KCNQ3: variants seen among roughly 807,000 people sequenced by gnomAD.
KCNQ3 encodes the protein potassium voltage-gated channel subfamily Q member 3.
A neutral mutation model predicts 92.5 loss-of-function variants in KCNQ3; 30 were observed. The observed-to-expected ratio is 0.32, with a 90% CI of 0.24 to 0.44. The LOEUF (loss-of-function observed/expected upper bound fraction) is 0.44, where lower values mean the gene tolerates loss of function less well. Ranked by LOEUF, KCNQ3 falls within the 20% of genes least tolerant of loss-of-function variation. The probability of loss-of-function intolerance (pLI) is 1.00; values close to 1 mark genes in which losing one functional copy is unlikely to be tolerated. For missense variants in KCNQ3, 913 were observed against 1,140.3 expected (o/e 0.80, Z 2.87); for synonymous variants, 450 against 468.8 (o/e 0.96, Z 0.52).
intron 1 of KCNQ3, among the ~76,000 whole-genome samples, chr8:132,276,007 C>T (rs982071542): frequency 6.6e-6 from 1 of 152,162 alleles, no homozygotes; most frequent in Non-Finnish European, 1.5e-5. Flanking sequence ...TACTAGGGGT[C>T]GCTACACATC....
chr8:132,450,120 G>T (rs1317659920), intron 1 of KCNQ3, among the ~76,000 whole-genome samples: 1 of 152,188 alleles, frequency 6.6e-6, no homozygotes, highest in African/African-American at 2.4e-5. Flanking sequence ...TCCACAGCAT[G>T]GAAGGGGACC....
At position 132,134,397 on chromosome 8, in the gene KCNQ3, A is replaced by T; in HGVS notation, c.1701-9T>A. 6.4e-7 allele frequency: 1 copy of T among 1,570,444 alleles called. No individual in the cohort carries two copies. Among genetic ancestry groups the T allele is most frequent in the Non-Finnish European group, 8.8e-7 (1 of 1,140,248 alleles). On this transcript the variant is annotated splice_polypyrimidine_tract_variant and intron_variant, in intron 12 of 14. Transcript: ENST00000388996. ...TGAAAATCATATCTATTCTGAAAGA[A>T]ACAAACAGAGCAGGGATTAAATTAC...
chr8:132,213,821 G>A (rs1263193603), intron 1 of KCNQ3, among the ~76,000 whole-genome samples: 1 of 152,216 alleles, frequency 6.6e-6, no homozygotes, highest in African/African-American at 2.4e-5. Flanking sequence ...AATGGGAACT[G>A]AGCAAATCAA....
chr8:132,141,254 G>A lies in KCNQ3; in HGVS notation c.1340C>T (p.Pro447Leu). The A allele has an allele frequency of 6.2e-7, 1 of 1,614,164 alleles. No homozygotes were observed. The highest frequency in any genetic ancestry group is 1.1e-5 in the South Asian group (1 of 91,086). Residue 447 changes from proline (P) to leucine (L), a missense_variant, in exon 10 of 15, where the codon CCT (proline) becomes CTT (leucine). This residue lies in a region of KCNQ3 where 182 missense variants were observed against 234.5 expected (regional missense o/e 0.78). Transcript: ENST00000388996. ...GSNTKGKLFTPLNVDAIEESP... is the reference protein window; with the variant it reads ...GSNTKGKLFTLLNVDAIEESP... ...TTCTTCTATGGCATCTACATTCAGA[G>A]GGGTAAATAGCTTTCCTTTAGTATT...
rs186310292 is a variant in KCNQ3 at position 132,140,081 on chromosome 8, G to A, written c.1563C>T (p.Ala521=). ...MIPTLKAAIR[A]VRILQFRLYK... ...TGGGACCGTGGGGGCATTACCTGAC[G>A]GCTCGGATGGCGGCCTTCAGGGTGG... Residue 521 remains alanine (A), a synonymous_variant, in exon 11 of 15, where the codon GCC becomes GCT. Coordinates refer to ENST00000388996, the MANE Select transcript of KCNQ3 (RefSeq NM_004519.4). 38 of 1,593,356 alleles carry A rather than the reference G, an allele frequency of 2.4e-5. No individual in the cohort carries two copies. Among genetic ancestry groups the A allele is most frequent in the Non-Finnish European group, 3.0e-5 (35 of 1,169,972 alleles).
At chr8:132,410,418 T>C (rs979143379) in intron 1 of KCNQ3, among the ~76,000 whole-genome samples, 17 of 152,188 alleles carry the variant, frequency 1.1e-4, no homozygotes, top group Non-Finnish European at 2.4e-4. Context: ...GGGAAAGATG[T>C]TGGACTTTTT....
chr8:132,326,800 A>T (rs2130650278), intron 1 of KCNQ3, among the ~76,000 whole-genome samples: 1 of 152,336 alleles, frequency 6.6e-6, no homozygotes, highest in South Asian at 2.1e-4. Context: ...TGTTCTTTAT[A>T]AACAACCCAG....
chr8:132,405,940 T>C (rs1407653898), intron 1 of KCNQ3, among the ~76,000 whole-genome samples: 1 of 152,128 alleles, frequency 6.6e-6, no homozygotes, highest in Admixed American at 6.6e-5. Flanking sequence ...CCTCCAGGTC[T>C]TAGGCAACAC....
At chr8:132,358,001 C>A (rs1819064033) in intron 1 of KCNQ3, among the ~76,000 whole-genome samples, 1 of 152,218 alleles carries the variant, frequency 6.6e-6, no homozygotes, top group Admixed American at 6.5e-5. Flanking sequence ...TGAAACATTT[C>A]TTCCAGGGAA....
intron 3 of KCNQ3, among the ~76,000 whole-genome samples, chr8:132,182,515 G>A (rs930836195): frequency 6.6e-6 from 1 of 152,254 alleles, no homozygotes; most frequent in South Asian, 2.1e-4. Context: ...GGTGGAGGGG[G>A]ACCTGGAGCT....
In KCNQ3 at chr8:132,299,687, T is replaced by C. The variant is rs1263950810; in HGVS notation, c.387-113506A>G. On this transcript the variant is annotated intron_variant, in intron 1 of 14. Transcript: ENST00000388996. Reference sequence around the variant, plus strand: ...GCATCTTGCCCCAAATTAAATGACATGCCCTGGTTTTGGAAAATATCACAC... The same window carrying C: ...GCATCTTGCCCCAAATTAAATGACACGCCCTGGTTTTGGAAAATATCACAC... Among the ~76,000 whole-genome samples, 3 of 152,352 alleles carry C rather than the reference T, an allele frequency of 2.0e-5. No homozygotes were observed. In the East Asian group the frequency reaches 5.8e-4, roughly 29 times the overall value.
chr8:132,380,951 A>C (rs371954097), intron 1 of KCNQ3, among the ~76,000 whole-genome samples: 368 of 141,782 alleles, frequency 2.6e-3, no homozygotes, highest in Non-Finnish European at 4.6e-3. Context: ...AAAAAAAAAA[A>C]CAACCTTGGA....
At chr8:132,459,757 C>G (rs1304409757) in intron 1 of KCNQ3, among the ~76,000 whole-genome samples, 1 of 149,432 alleles carries the variant, frequency 6.7e-6, no homozygotes, top group African/African-American at 2.5e-5. Context: ...TTTTTAATTC[C>G]CTTTTCATAC....
intron 1 of KCNQ3, among the ~76,000 whole-genome samples, chr8:132,437,769 G>A (rs1331447275): frequency 6.6e-6 from 1 of 152,138 alleles, no homozygotes; most frequent in Non-Finnish European, 1.5e-5. Context: ...TGAAAACTCT[G>A]TCCCAGGCCC....
At chr8:132,471,034 G>T (rs1039880597) in intron 1 of KCNQ3, among the ~76,000 whole-genome samples, 1 of 152,202 alleles carries the variant, frequency 6.6e-6, no homozygotes, top group African/African-American at 2.4e-5. Context: ...TTCAGGTGGA[G>T]TCTGCCAGAT....
intron 1 of KCNQ3, among the ~76,000 whole-genome samples, chr8:132,269,950 C>T (rs1228987382): frequency 6.6e-6 from 1 of 152,156 alleles, no homozygotes. Context: ...ATGCAGATCC[C>T]AATCCAGACA....
chr8:132,418,006 T>C (rs1820866044), intron 1 of KCNQ3, among the ~76,000 whole-genome samples: 1 of 151,438 alleles, frequency 6.6e-6, no homozygotes, highest in South Asian at 2.1e-4. Context: ...GAGGGGAATA[T>C]TTCTCCACCG....
chr8:132,241,273 T>C (rs1322205307), intron 1 of KCNQ3, among the ~76,000 whole-genome samples: 1 of 152,200 alleles, frequency 6.6e-6, no homozygotes, highest in East Asian at 1.9e-4. Flanking sequence ...CAAGGTCACA[T>C]AGCTGGAAAA....
intron 1 of KCNQ3, among the ~76,000 whole-genome samples, chr8:132,350,723 C>T (rs1818834700): frequency 6.6e-6 from 1 of 152,208 alleles, no homozygotes; most frequent in African/African-American, 2.4e-5. Context: ...ATTCCTCACG[C>T]ACGTGAGTCT....
Sources: gnomAD v4.1 joint callset for allele counts (sites outside exome capture counted in the v4.1 genomes callset) on GRCh38, gnomAD v4.1.1 for gene constraint, gnomAD v4.1.1 regional missense constraint, MANE v1.5 for transcripts, NCBI Gene and HGNC (gene_info 2026-07-23, HGNC 2026-07-21) for gene names.